The following DLG2 variants were observed in gnomAD, a reference collection of about 807,000 sequenced individuals.
DLG2 encodes the protein disks large homolog 2.
A neutral mutation model predicts 132.5 loss-of-function variants in DLG2; 45 were observed. The ratio of observed to expected loss-of-function variants is 0.34; its 90% CI spans 0.27 to 0.44. The LOEUF (loss-of-function observed/expected upper bound fraction) is 0.44. DLG2 is among the 20% of genes least tolerant of loss of function. The pLI, the probability that DLG2 is intolerant of heterozygous loss-of-function variation, is 1.00. For synonymous variants in DLG2, 424 were observed against 419.6 expected, an observed-to-expected ratio of 1.01 and a Z score of -0.13; for missense variants, 1,045 against 1,196.9, an observed-to-expected ratio of 0.87 and a Z score of 1.87.
intron 6 of DLG2, among the ~76,000 whole-genome samples, chr11:84,574,239 G>A (rs914147235): frequency 3.3e-5 from 5 of 151,966 alleles, no homozygotes; most frequent in African/African-American, 7.3e-5. Flanking sequence ...AAAGAGAAGA[G>A]AAAGGTCTCT....
chr11:83,687,561 A>C (rs776945854), intron 18 of DLG2, among the ~76,000 whole-genome samples: 1 of 151,980 alleles, frequency 6.6e-6, no homozygotes, highest in Non-Finnish European at 1.5e-5. Context: ...TTTTCTTCCT[A>C]TTGTTTTGGT....
chr11:85,015,393 G>C (rs1302438752), intron 6 of DLG2, among the ~76,000 whole-genome samples: 1 of 144,036 alleles, frequency 6.9e-6, no homozygotes, highest in African/African-American at 2.6e-5. Flanking sequence ...CTTTCAGTAG[G>C]AGATTAGCCA....
At chr11:84,150,598 C>G (rs752629832) in intron 9 of DLG2, among the ~76,000 whole-genome samples, 1 of 152,076 alleles carries the variant, frequency 6.6e-6, no homozygotes, top group Admixed American at 6.6e-5. Context: ...ATTTGGATGC[C>G]TTTTATTCCT....
intron 17 of DLG2, among the ~76,000 whole-genome samples, chr11:83,806,674 A>T (rs762006217): frequency 6.6e-6 from 1 of 152,134 alleles, no homozygotes; most frequent in Non-Finnish European, 1.5e-5. Flanking sequence ...ATGTGGCACA[A>T]ATCGATGTCC....
chr11:85,449,774 A>G (rs2153041230), intron 3 of DLG2, among the ~76,000 whole-genome samples: 1 of 134,120 alleles, frequency 7.5e-6, no homozygotes, highest in East Asian at 2.2e-4. Context: ...GTGCTTTCGA[A>G]TTGGAACTAC....
intron 11 of DLG2, among the ~76,000 whole-genome samples, chr11:84,045,895 G>C (rs908724037): frequency 1.3e-5 from 2 of 151,582 alleles, no homozygotes; most frequent in East Asian, 3.9e-4. Context: ...CTCTTGTGAA[G>C]AGTTGTCCGC....
At chr11:84,370,763 A>G (rs2098702902) in intron 7 of DLG2, among the ~76,000 whole-genome samples, 1 of 152,150 alleles carries the variant, frequency 6.6e-6, no homozygotes. Flanking sequence ...ATAGGCGTTC[A>G]AGAAATTATT....
chr11:84,542,256 C>A (rs1397721094), intron 6 of DLG2, among the ~76,000 whole-genome samples: 1 of 152,126 alleles, frequency 6.6e-6, no homozygotes, highest in African/African-American at 2.4e-5. Context: ...TGAATACTAT[C>A]CATGAACGCT....
rs141083541 is a variant in DLG2 at position 84,317,720 on chromosome 11, T to C, written c.520-66429A>G. On this transcript the variant is annotated intron_variant, in intron 7 of 27. Coordinates refer to ENST00000376104, the MANE Select transcript of DLG2 (RefSeq NM_001142699.3). Reference sequence around the variant, plus strand: ...TTTCAACATTTATAAGAATCACTTATCTAGAGAGAGATTTGCCAAGACACA... The same window carrying C: ...TTTCAACATTTATAAGAATCACTTACCTAGAGAGAGATTTGCCAAGACACA... Among the ~76,000 whole-genome samples the C allele has an allele frequency of 4.3e-4, 66 of 152,294 alleles. No individual in the cohort carries two copies. In the East Asian group the frequency reaches 9.7e-3, roughly 22 times the overall value.
intron 21 of DLG2, among the ~76,000 whole-genome samples, chr11:83,511,073 A>AAC (rs142149345): frequency 1.6e-4 from 14 of 88,478 alleles, no homozygotes; most frequent in African/African-American, 4.4e-4. Context: ...CACTTGCTCA[A>AAC]ACACACACAC....
At chr11:83,554,723 G>C (rs572038633) in intron 19 of DLG2, among the ~76,000 whole-genome samples, 1 of 152,184 alleles carries the variant, frequency 6.6e-6, no homozygotes, top group Non-Finnish European at 1.5e-5. Flanking sequence ...CATTGGGCTG[G>C]ACTGACTGGG....
At chr11:85,543,929 T>C (rs1462382065) in intron 3 of DLG2, among the ~76,000 whole-genome samples, 1 of 152,040 alleles carries the variant, frequency 6.6e-6, no homozygotes, top group Non-Finnish European at 1.5e-5. Context: ...TTTTCTCCCA[T>C]TCTGTAGGGT....
chr11:85,620,547 T>C (rs1340828515), intron 2 of DLG2, among the ~76,000 whole-genome samples: 1 of 152,216 alleles, frequency 6.6e-6, no homozygotes, highest in African/African-American at 2.4e-5. Flanking sequence ...GGAAAAACTC[T>C]TGAAGGAAAT....
chr11:84,425,290 C>T (rs557990412), intron 7 of DLG2, among the ~76,000 whole-genome samples: 20 of 152,140 alleles, frequency 1.3e-4, no homozygotes, highest in Non-Finnish European at 2.6e-4. Context: ...TCAAATTGTT[C>T]AGGACAACTA....
intron 14 of DLG2, among the ~76,000 whole-genome samples, chr11:83,956,316 G>A (rs1180771379): frequency 2.0e-5 from 3 of 152,170 alleles, no homozygotes; most frequent in Non-Finnish European, 2.9e-5. Context: ...GAGGGCAGCC[G>A]CCCCACACCA....
intron 4 of DLG2, among the ~76,000 whole-genome samples, chr11:85,200,845 A>T (rs1373116200): frequency 6.6e-6 from 1 of 151,962 alleles, no homozygotes; most frequent in Non-Finnish European, 1.5e-5. Context: ...CTGTTTGTGC[A>T]TATACTTGCT....
chr11:84,786,750 A>T (rs2072963734), intron 6 of DLG2, among the ~76,000 whole-genome samples: 1 of 152,206 alleles, frequency 6.6e-6, no homozygotes, highest in African/African-American at 2.4e-5. Flanking sequence ...TAGGGCAGAC[A>T]GTTGCAGAAA....
At position 84,251,258 on chromosome 11, in the gene DLG2, T is replaced by G. The variant is rs1388515808; in HGVS notation, c.553A>C (p.Thr185Pro). The G allele has an allele frequency of 2.5e-6, 4 of 1,591,284 alleles. No homozygotes were observed. Among genetic ancestry groups the G allele is most frequent in the Non-Finnish European group, 3.4e-6 (4 of 1,171,758 alleles). ...SPAPIIVNTD[T>P]LDTIPYVNGT... ...CTTACATAAGGAATTGTGTCCAAAG[T>G]ATCTGTGTTGACAATTATAGGAGCA... is the stretch of plus-strand genomic sequence containing the variant. Residue 185 changes from threonine to proline, a missense_variant, in exon 8 of 28, where the codon ACT becomes CCT. This residue lies in a region of DLG2 where 277 missense variants were observed against 238.2 expected (regional missense o/e 1.16). Coordinates refer to ENST00000376104, the MANE Select transcript of DLG2 (RefSeq NM_001142699.3).
intron 6 of DLG2, among the ~76,000 whole-genome samples, chr11:84,761,710 A>G (rs2153864306): frequency 6.6e-6 from 1 of 152,270 alleles, no homozygotes; most frequent in African/African-American, 2.4e-5. Flanking sequence ...CAGGCCTTCT[A>G]CTACAGACTG....
Sources: gnomAD v4.1 joint callset for allele counts (sites outside exome capture counted in the v4.1 genomes callset) on GRCh38, gnomAD v4.1.1 for gene constraint, gnomAD v4.1.1 regional missense constraint, MANE v1.5 for transcripts, NCBI Gene and HGNC (gene_info 2026-07-23, HGNC 2026-07-21) for gene names.